TAFA1: variants seen among roughly 807,000 people sequenced by gnomAD.
TAFA1 encodes chemokine-like protein TAFA-1.
In TAFA1, 4 loss-of-function variants were observed where a neutral mutation model predicts 18.5. The observed-to-expected ratio is 0.22, with a 90% CI of 0.11 to 0.49. TAFA1 has a LOEUF of 0.49. TAFA1 is among the 20% of genes least tolerant of loss of function. The pLI is 0.98. For missense variants in TAFA1, 147 were observed against 169.0 expected (o/e 0.87, Z 0.72); for synonymous variants, 56 against 55.2 (o/e 1.01, Z -0.06).
intron 3 of TAFA1, among the ~76,000 whole-genome samples, chr3:68,467,053 T>C (rs1171411439): frequency 6.6e-6 from 1 of 152,196 alleles, no homozygotes; most frequent in Non-Finnish European, 1.5e-5. Context: ...GATATTTCTC[T>C]TACCCATTTT....
At chr3:68,345,537 C>T (rs952770033) in intron 2 of TAFA1, among the ~76,000 whole-genome samples, 3 of 152,044 alleles carry the variant, frequency 2.0e-5, no homozygotes, top group African/African-American at 2.4e-5. Context: ...CAGGGGAAAA[C>T]GTGAGAAATC....
At chr3:68,436,530 T>A (rs761465076) in intron 3 of TAFA1, among the ~76,000 whole-genome samples, 1 of 152,122 alleles carries the variant, frequency 6.6e-6, no homozygotes, top group Non-Finnish European at 1.5e-5. Flanking sequence ...AAAGTCAAGT[T>A]GGGGCCAAAT....
At chr3:68,000,111 G>C (rs1262511616), upstream of TAFA1, among the ~76,000 whole-genome samples, 3 of 151,928 alleles carry the variant, frequency 2.0e-5, no homozygotes, top group Admixed American at 2.0e-4. Context: ...TTCTGTAAAG[G>C]CAGCTCATTA....
At chr3:68,199,504 T>C (rs1196047368) in intron 2 of TAFA1, among the ~76,000 whole-genome samples, 1 of 151,566 alleles carries the variant, frequency 6.6e-6, no homozygotes, top group Non-Finnish European at 1.5e-5. Flanking sequence ...ATGGAATTTT[T>C]CTCCATTTAT....
chr3:68,104,843 C>T (rs2065186845), intron 2 of TAFA1, among the ~76,000 whole-genome samples: 1 of 152,068 alleles, frequency 6.6e-6, no homozygotes, highest in African/African-American at 2.4e-5. Context: ...GTTGACCCCT[C>T]CTCTAAACTA....
intron 2 of TAFA1, among the ~76,000 whole-genome samples, chr3:68,101,388 G>A (rs886988634): frequency 6.6e-6 from 1 of 151,856 alleles, no homozygotes; most frequent in Non-Finnish European, 1.5e-5. Flanking sequence ...TGCCATGTTG[G>A]TGTGCTGCAC....
intron 3 of TAFA1, among the ~76,000 whole-genome samples, chr3:68,507,662 T>C (rs937854888): frequency 4.6e-5 from 7 of 152,160 alleles, no homozygotes; most frequent in African/African-American, 1.7e-4. Context: ...CGTAGTGTGA[T>C]AAAGACATCT....
At chr3:68,498,462 C>T (rs78358806) in intron 3 of TAFA1, among the ~76,000 whole-genome samples, 2,209 of 152,096 alleles carry the variant, frequency 0.015, 65 homozygotes, top group African/African-American at 0.05. Context: ...AATATGAATA[C>T]CAAATTACAA....
chr3:68,286,481 G>A (rs905813078), intron 2 of TAFA1, among the ~76,000 whole-genome samples: 1 of 152,014 alleles, frequency 6.6e-6, no homozygotes, highest in Non-Finnish European at 1.5e-5. Flanking sequence ...TGGACAAAAA[G>A]AGCTAGCAGA....
chr3:68,082,000 G>T (rs2064908725), intron 2 of TAFA1, among the ~76,000 whole-genome samples: 1 of 152,246 alleles, frequency 6.6e-6, no homozygotes, highest in South Asian at 2.1e-4. Flanking sequence ...GCCAGGTGCA[G>T]GATATAATCT....
At chr3:68,218,236 A>C (rs1405208846) in intron 2 of TAFA1, among the ~76,000 whole-genome samples, 1 of 152,074 alleles carries the variant, frequency 6.6e-6, no homozygotes, top group Non-Finnish European at 1.5e-5. Context: ...TTGATTTCAG[A>C]TTTTTTTCTC....
intron 2 of TAFA1, among the ~76,000 whole-genome samples, chr3:68,013,647 T>G (rs564270383): frequency 1.3e-5 from 2 of 152,216 alleles, no homozygotes; most frequent in South Asian, 2.1e-4. Flanking sequence ...AGAGAGAAAA[T>G]AACACCAGAC....
At chr3:68,459,166 G>T (rs747382571) in intron 3 of TAFA1, among the ~76,000 whole-genome samples, 2 of 152,210 alleles carry the variant, frequency 1.3e-5, no homozygotes, top group Non-Finnish European at 2.9e-5. Flanking sequence ...GCAAGGAAGT[G>T]CTCATCAGCT....
chr3:68,483,559 G>T (rs943897643), intron 3 of TAFA1, among the ~76,000 whole-genome samples: 11 of 152,198 alleles, frequency 7.2e-5, no homozygotes, highest in African/African-American at 2.7e-4. Context: ...AATGGGAGAA[G>T]AAGACAAAAT....
At chr3:68,060,204 TTGTG>T (rs56680758) in intron 2 of TAFA1, among the ~76,000 whole-genome samples, 5 of 150,030 alleles carry the variant, frequency 3.3e-5, no homozygotes, top group African/African-American at 1.2e-4. Flanking sequence ...GTGTGTGTGT[TTGTG>T]TGTGTGTGTG....
At chr3:68,525,609 A>G (rs1533156) in intron 3 of TAFA1, among the ~76,000 whole-genome samples, 120,440 of 152,146 alleles carry the variant, frequency 0.79, 47,777 homozygotes, top group East Asian at 0.89. Context: ...TTCCAGAGAT[A>G]TTGGGAAGTT....
chr3:67,995,136 T>C, the TAFA1 span, among the ~76,000 whole-genome samples: 7 of 152,248 alleles, frequency 4.6e-5, no homozygotes, highest in African/African-American at 1.7e-4. Flanking sequence ...GATGCCTACC[T>C]TGGGCTAACC....
chr3:68,379,425 T>C (rs574531700), intron 2 of TAFA1, among the ~76,000 whole-genome samples: 1 of 152,228 alleles, frequency 6.6e-6, no homozygotes, highest in Non-Finnish European at 1.5e-5. Flanking sequence ...TGCAAATATT[T>C]TCTCCCATTC....
At chr3:68,243,531 A>G (rs1433164314) in intron 2 of TAFA1, among the ~76,000 whole-genome samples, 1 of 152,158 alleles carries the variant, frequency 6.6e-6, no homozygotes, top group Non-Finnish European at 1.5e-5. Flanking sequence ...CTCAACTACT[A>G]TATAAATGAA....
Sources: gnomAD v4.1 joint callset for allele counts (sites outside exome capture counted in the v4.1 genomes callset) on GRCh38, gnomAD v4.1.1 for gene constraint, MANE v1.5 for transcripts, NCBI Gene and HGNC (gene_info 2026-07-23, HGNC 2026-07-21) for gene names.